Variants in ACSBG2 observed in about 807,000 individuals in gnomAD.
ACSBG2 encodes long-chain-fatty-acid--CoA ligase ACSBG2.
In ACSBG2, 62 loss-of-function variants were observed where a neutral mutation model predicts 74.7. The ratio of observed to expected loss-of-function variants is 0.83; its 90% CI spans 0.68 to 1.03. The LOEUF is 1.03. Ranked by LOEUF, ACSBG2 falls within the 50% of genes least tolerant of loss-of-function variation. The pLI is 0.00. For missense variants in ACSBG2, 730 were observed against 817.6 expected, an observed-to-expected ratio of 0.89 and a Z score of 1.31; for synonymous variants, 309 against 294.1, an observed-to-expected ratio of 1.05 and a Z score of -0.52.
At chr19:6,149,936 G>A (rs141529746) in intron 3 of ACSBG2, among the ~76,000 whole-genome samples, 14,637 of 151,254 alleles carry the variant, frequency 0.097, 1,004 homozygotes, top group Non-Finnish European at 0.15. Context: ...GAGCCACCAC[G>A]CCTGTAATTT....
In ACSBG2 at chr19:6,185,552, C is replaced by T. The variant is rs761993324; in HGVS notation, c.1439C>T (p.Thr480Ile). The T allele has an allele frequency of 6.2e-7, 1 of 1,614,182 alleles. No homozygotes were observed. The highest frequency in any genetic ancestry group is 1.1e-5 in the South Asian group (1 of 91,078). Reference protein sequence around the residue: ...HIFMGYLESETETTEAIDDEG... With the variant: ...HIFMGYLESEIETTEAIDDEG... ...TTCATGGGCTATCTGGAAAGTGAGACTGAAACTACAGAGGCCATCGATGAT... is the reference window on the plus strand; with the variant it reads ...TTCATGGGCTATCTGGAAAGTGAGATTGAAACTACAGAGGCCATCGATGAT... The change falls in exon 11 of 15, where the codon ACT becomes ATT. Residue 480 changes from threonine to isoleucine, a missense_variant. Coordinates refer to ENST00000588485, the MANE Select transcript of ACSBG2 (RefSeq NM_030924.5).
At chr19:6,136,866 ATCACAGGT>A (rs2088590932) in intron 1 of ACSBG2, among the ~76,000 whole-genome samples, 1 of 151,632 alleles carries the variant, frequency 6.6e-6, no homozygotes, top group African/African-American at 2.4e-5. Context: ...AAGTGCTGGG[ATCACAGGT>A]GTGAGCCTCC....
intron 2 of ACSBG2, among the ~76,000 whole-genome samples, chr19:6,147,137 A>G (rs113780396): frequency 2.0e-5 from 3 of 152,288 alleles, no homozygotes; most frequent in African/African-American, 7.2e-5. Context: ...AATGGACATA[A>G]CAAAGACAGC....
At chr19:6,188,145 C>G (rs527677788) in intron 13 of ACSBG2, among the ~76,000 whole-genome samples, 1 of 152,192 alleles carries the variant, frequency 6.6e-6, no homozygotes, top group Non-Finnish European at 1.5e-5. Context: ...AACTATAGGG[C>G]CTTTGCACCT....
chr19:6,163,072 C>T (rs1030450360), intron 6 of ACSBG2, among the ~76,000 whole-genome samples: 2 of 150,276 alleles, frequency 1.3e-5, no homozygotes, highest in Non-Finnish European at 3.0e-5. Context: ...GTCAAGAGTT[C>T]GAGACTAGCC....
At chr19:6,184,855 A>AC (rs1568254652) in intron 10 of ACSBG2, among the ~76,000 whole-genome samples, 14 of 143,574 alleles carry the variant, frequency 9.8e-5, no homozygotes, top group African/African-American at 3.4e-4. Context: ...AAAAAAAAAA[A>AC]AAAAAAAAAA....
chr19:6,157,588 T>A (rs984507326), intron 5 of ACSBG2, among the ~76,000 whole-genome samples: 1 of 147,088 alleles, frequency 6.8e-6, no homozygotes, highest in Non-Finnish European at 1.5e-5. Context: ...ACAAAAACCA[T>A]TTTTTTTTTG....
chr19:6,158,057 T>C (rs1241442839), intron 5 of ACSBG2, among the ~76,000 whole-genome samples: 3 of 100,400 alleles, frequency 3.0e-5, no homozygotes, highest in African/African-American at 1.2e-4. Flanking sequence ...TTTCTTTTTT[T>C]TTCTTTTTTT....
Position 6,147,524 on chromosome 19 carries a change from C to G in ACSBG2, c.146C>G (p.Thr49Ser). ...TCCAAACACGGACCAGGCCATGAGA[C>G]CCCGATGACCATCCCTGAATTTTTT... ...RLSKHGPGHETPMTIPEFFRE... is the reference protein window; with the variant it reads ...RLSKHGPGHESPMTIPEFFRE... Residue 49 changes from threonine (T) to serine (S), a missense_variant, in exon 3 of 15, where the codon ACC (threonine) becomes AGC (serine). By Grantham distance (58) the Thr-to-Ser change is moderately conservative (BLOSUM62 1). Coordinates refer to ENST00000588485, the MANE Select transcript of ACSBG2 (RefSeq NM_030924.5). 1.2e-6 allele frequency: 2 copies of G among 1,614,194 alleles called. No individual in the cohort carries two copies. Among genetic ancestry groups the G allele is most frequent in the Non-Finnish European group, 1.7e-6 (2 of 1,180,036 alleles).
At chr19:6,176,517 C>T in intron 7 of ACSBG2, 1 of 650,274 alleles carries the variant, frequency 1.5e-6, no homozygotes, top group Non-Finnish European at 2.3e-6. Flanking sequence ...CACACGCACT[C>T]AGCCAGACTG....
intron 1 of ACSBG2, among the ~76,000 whole-genome samples, chr19:6,136,719 A>G (rs2088585567): frequency 6.6e-6 from 1 of 152,140 alleles, no homozygotes; most frequent in Non-Finnish European, 1.5e-5. Context: ...AACACAAAGC[A>G]TATCTGTACG....
intron 4 of ACSBG2, 27 bp downstream of exon 4, chr19:6,151,822 G>A (rs1404162862): frequency 6.4e-7 from 1 of 1,564,748 alleles, no homozygotes; most frequent in South Asian, 1.2e-5. Flanking sequence ...GGTTCATGGT[G>A]AGGGTTAAGG....
intron 3 of ACSBG2, among the ~76,000 whole-genome samples, chr19:6,148,647 G>GAA (rs55936682): frequency 1.1e-4 from 16 of 145,698 alleles, no homozygotes; most frequent in South Asian, 2.2e-4. Context: ...GTGTCATAAA[G>GAA]AAAAAAAAAA....
intron 8 of ACSBG2, 134 bp downstream of exon 8, chr19:6,177,530 T>A: frequency 2.2e-6 from 2 of 899,762 alleles, no homozygotes; most frequent in Non-Finnish European, 3.3e-6. Flanking sequence ...GCCCTCATCT[T>A]AATGCTCTAT....
chr19:6,138,540 A>AGG (rs2088672379), intron 1 of ACSBG2, among the ~76,000 whole-genome samples: 2 of 56,078 alleles, frequency 3.6e-5, no homozygotes, highest in Non-Finnish European at 6.4e-5. Flanking sequence ...AAGGAAGGGG[A>AGG]GGGAGGGAGG....
At chr19:6,168,918 A>C (rs993633186) in intron 7 of ACSBG2, among the ~76,000 whole-genome samples, 88 of 152,206 alleles carry the variant, frequency 5.8e-4, no homozygotes, top group African/African-American at 1.9e-3. Context: ...AGCTGGGATT[A>C]CAGGCACCCA....
intron 5 of ACSBG2, among the ~76,000 whole-genome samples, chr19:6,157,856 G>T (rs901643905): frequency 1.3e-5 from 2 of 151,930 alleles, no homozygotes; most frequent in Non-Finnish European, 2.9e-5. Context: ...TCTTGTCATT[G>T]TCTTCATTTC....
chr19:6,140,048 C>G (rs2088760661), intron 1 of ACSBG2, among the ~76,000 whole-genome samples: 1 of 151,988 alleles, frequency 6.6e-6, no homozygotes, highest in African/African-American at 2.4e-5. Flanking sequence ...ACGGTGAAAC[C>G]CAGTCTCTAC....
intron 4 of ACSBG2, among the ~76,000 whole-genome samples, chr19:6,153,901 G>GAA (rs1438005448): frequency 2.1e-4 from 30 of 142,762 alleles, no homozygotes; most frequent in Non-Finnish European, 2.5e-4. Flanking sequence ...AAAAAGAAAA[G>GAA]AAGGAAAAGA....
Sources: gnomAD v4.1 joint callset for allele counts (sites outside exome capture counted in the v4.1 genomes callset) on GRCh38, gnomAD v4.1.1 for gene constraint, MANE v1.5 for transcripts, NCBI Gene and HGNC (gene_info 2026-07-23, HGNC 2026-07-21) for gene names.